The following PDS5A variants were observed in gnomAD, a reference collection of about 807,000 sequenced individuals.
PDS5A encodes sister chromatid cohesion protein PDS5 homolog A.
Under a neutral mutation model 167.1 loss-of-function variants are expected in PDS5A, and 42 were observed. That is an observed-to-expected ratio of 0.25 (90% CI 0.20 to 0.33). PDS5A has a LOEUF of 0.33. Among genes scored for constraint, PDS5A ranks in the 10% least tolerant of loss-of-function variants. The pLI, the probability that PDS5A is intolerant of heterozygous loss-of-function variation, is 1.00. For synonymous variants in PDS5A, 553 were observed against 554.6 expected (o/e 1.00, Z 0.04); for missense variants, 1,033 against 1,605.9 (o/e 0.64, Z 6.10).
intron 2 of PDS5A, among the ~76,000 whole-genome samples, chr4:39,961,409 C>T (rs1156756177): frequency 6.6e-6 from 1 of 152,068 alleles, no homozygotes; most frequent in East Asian, 1.9e-4. Flanking sequence ...GAGGCGCCCG[C>T]CACCATGCCC....
intron 7 of PDS5A, 136 bp downstream of exon 7, chr4:39,920,183 T>C: frequency 2.5e-6 from 1 of 407,378 alleles, no homozygotes; most frequent in Non-Finnish European, 4.5e-6. Context: ...TGCATTTCTC[T>C]AACCCTGGTC....
rs1158287221 is a variant in PDS5A at position 39,829,950 on chromosome 4, CAAAAAAAAAAAAAAAA to C, written c.4011-4478_4011-4463del. ...TGGGCGACAGACTGAGACTCCAACT[CAAAAAAAAAAAAAAAA>C]AAAAAAAAAAAAAAAAAAGAAATTT... On this transcript the variant is annotated intron_variant, in intron 32 of 32. Coordinates refer to ENST00000303538, the MANE Select transcript of PDS5A (RefSeq NM_001100399.2). Among the ~76,000 whole-genome samples the C allele has an allele frequency of 6.4e-3, 434 of 67,316 alleles. 1 individual carries two copies. Among genetic ancestry groups the C allele is most frequent in the Non-Finnish European group, 8.2e-3 (353 of 43,056 alleles). 44.2% of individuals were successfully genotyped at this position (67,316 alleles called of 152,430 possible).
chr4:39,838,402 T>C (rs561420503), intron 31 of PDS5A, among the ~76,000 whole-genome samples, 194 bp from the exon 32 acceptor site: 3 of 152,282 alleles, frequency 2.0e-5, no homozygotes, highest in Non-Finnish European at 2.9e-5. Flanking sequence ...GTGTATAGCA[T>C]ATATAATGTG....
At chr4:39,900,700 G>A (rs1322063454) in intron 13 of PDS5A, among the ~76,000 whole-genome samples, 193 bp from the exon 14 acceptor site, 2 of 151,870 alleles carry the variant, frequency 1.3e-5, no homozygotes, top group Non-Finnish European at 2.9e-5. Flanking sequence ...CTTCTTATGA[G>A]AGAAAATATT....
At chr4:39,838,285 A>G (rs2109484963) in intron 31 of PDS5A, 77 bp from the exon 32 acceptor site, 1 of 1,058,086 alleles carries the variant, frequency 9.5e-7, no homozygotes, top group Middle Eastern at 3.0e-4. Flanking sequence ...GAGTGTTTTG[A>G]AAGTATTTTA....
Position 39,930,246 on chromosome 4 carries a change from A to AAAAAAAAAAAAAAATT in PDS5A, c.139-2083_139-2082insAATTTTTTTTTTTTTT. Among the ~76,000 whole-genome samples, 9 of 93,086 alleles carry AAAAAAAAAAAAAAATT rather than the reference A, an allele frequency of 9.7e-5. 1 individual carries two copies. The highest frequency in any genetic ancestry group is 1.3e-4 in the Non-Finnish European group (6 of 44,472). 61.1% of individuals were successfully genotyped at this position (93,086 alleles called of 152,430 possible). A position where few individuals can be genotyped will look rare whatever the true frequency, so the allele number is the denominator to read the frequency against. ...AAAAAAAAAAAAAAAAAAAAAAAAA[A>AAAAAAAAAAAAAAATT]GTTTTTTTGTTTTTTGTTTTTTTTT... On this transcript the variant is annotated intron_variant, in intron 2 of 32. Transcript: ENST00000303538.
At chr4:39,911,830 T>A (rs1283558237) in intron 9 of PDS5A, among the ~76,000 whole-genome samples, 1 of 110,368 alleles carries the variant, frequency 9.1e-6, no homozygotes, top group African/African-American at 3.3e-5. Context: ...AGACTCCGTC[T>A]CAATTAAAAA....
chr4:39,970,053 T>A (rs1281724097), intron 2 of PDS5A, among the ~76,000 whole-genome samples: 1 of 151,772 alleles, frequency 6.6e-6, no homozygotes, highest in Non-Finnish European at 1.5e-5. Flanking sequence ...GGTTTCACTA[T>A]GTTGGTCAGA....
chr4:39,956,287 T>A (rs569423588), intron 2 of PDS5A, among the ~76,000 whole-genome samples: 1 of 151,290 alleles, frequency 6.6e-6, no homozygotes, highest in African/African-American at 2.4e-5. Flanking sequence ...AGATCAAGAG[T>A]TGGAGACTAG....
At chr4:39,844,535 T>A in intron 30 of PDS5A, 121 bp downstream of exon 30, 1 of 661,870 alleles carries the variant, frequency 1.5e-6, no homozygotes. Flanking sequence ...AATTCATCAA[T>A]ATTATTTTGT....
At chr4:39,973,896 G>GGC in intron 2 of PDS5A, 1 of 696,102 alleles carries the variant, frequency 1.4e-6, no homozygotes, top group Non-Finnish European at 2.6e-6. Context: ...GAGGCCAAGA[G>GGC]GGGCAGATCA....
intron 6 of PDS5A, among the ~76,000 whole-genome samples, chr4:39,921,557 G>A (rs1432146224): frequency 1.5e-5 from 2 of 130,510 alleles, no homozygotes; most frequent in Non-Finnish European, 3.2e-5. Context: ...GCAACATAGC[G>A]AAACCCTGTT....
intron 5 of PDS5A, among the ~76,000 whole-genome samples, chr4:39,923,507 A>C (rs1725187109): frequency 6.6e-6 from 1 of 151,832 alleles, no homozygotes; most frequent in African/African-American, 2.4e-5. Context: ...AAAATTGGCC[A>C]GCTGAGTAGC....
intron 30 of PDS5A, among the ~76,000 whole-genome samples, chr4:39,843,981 T>A (rs900860750): frequency 1.3e-5 from 2 of 150,968 alleles, no homozygotes; most frequent in African/African-American, 4.9e-5. Flanking sequence ...TCCATCTTTA[T>A]GAAAAGTACA....
intron 32 of PDS5A, among the ~76,000 whole-genome samples, chr4:39,834,509 C>G (rs1716210851): frequency 6.6e-6 from 1 of 152,156 alleles, no homozygotes; most frequent in Admixed American, 6.6e-5. Context: ...AGGCATCCAG[C>G]TTACAGTACT....
At chr4:39,919,944 A>T (rs557671227) in intron 7 of PDS5A, among the ~76,000 whole-genome samples, 93 of 147,760 alleles carry the variant, frequency 6.3e-4, no homozygotes, top group African/African-American at 2.2e-3. Flanking sequence ...AAAATAAAAT[A>T]AAAAAAAAAG....
Position 39,926,834 on chromosome 4 carries a change from A to C in PDS5A, c.370T>G (p.Leu124Val). The C allele has an allele frequency of 7.0e-7, 1 of 1,422,202 alleles. No individual in the cohort carries two copies. Among genetic ancestry groups the C allele is most frequent in the Non-Finnish European group, 9.3e-7 (1 of 1,078,850 alleles). The allele number at this position is 1,422,202 out of a possible 1,614,324, so 88.1% of individuals were successfully genotyped here. A position where few individuals can be genotyped will look rare whatever the true frequency, so the allele number is the denominator to read the frequency against. Residue 124 changes from leucine to valine, a missense_variant, in exon 4 of 33, where the codon TTA becomes GTA. By Grantham distance (32) the Leu-to-Val change is conservative. Coordinates refer to ENST00000303538, the MANE Select transcript of PDS5A (RefSeq NM_001100399.2). ...KDIFLFITRQ[L>V]KGLEDTKSPQ... is the part of the protein sequence containing the mutation. ...CTCTTTGTATCCTCCAAACCTTTTA[A>C]TTGTCTGGTAATAAACAAAAATATG...
chr4:39,879,945 C>T (rs1020128657), intron 17 of PDS5A, 112 bp from the exon 18 acceptor site: 2 of 598,856 alleles, frequency 3.3e-6, no homozygotes, highest in East Asian at 5.6e-5. Context: ...AAAGGAGTTT[C>T]TGTGGGGGAA....
At chr4:39,968,363 G>C (rs980932382) in intron 2 of PDS5A, among the ~76,000 whole-genome samples, 13 of 133,632 alleles carry the variant, frequency 9.7e-5, no homozygotes, top group African/African-American at 2.7e-4. Context: ...TTTTTTTTTT[G>C]AGATGGAGTT....
Sources: allele counts gnomAD v4.1 joint callset (sites outside exome capture counted in the v4.1 genomes callset), GRCh38; gene constraint gnomAD v4.1.1; transcripts MANE v1.5; gene names NCBI Gene and HGNC (gene_info 2026-07-23, HGNC 2026-07-21).